The following EFCAB8 variants were observed in gnomAD, a reference collection of about 807,000 sequenced individuals.
EFCAB8 encodes EF-hand calcium-binding domain-containing protein 8.
A neutral mutation model predicts 116.3 loss-of-function variants in EFCAB8; 100 were observed. That is an observed-to-expected ratio of 0.86 (90% CI 0.73 to 1.02). EFCAB8 has a LOEUF of 1.02. Among genes scored for constraint, EFCAB8 ranks in the 50% least tolerant of loss-of-function variants. EFCAB8 has a pLI of 0.00. For synonymous variants in EFCAB8, 558 were observed against 567.9 expected (o/e 0.98, Z 0.25); for missense variants, 1,320 against 1,416.9 (o/e 0.93, Z 1.10).
intron 11 of EFCAB8, among the ~76,000 whole-genome samples, chr20:32,901,540 T>A (rs190551194): frequency 7.2e-4 from 105 of 145,898 alleles, no homozygotes; most frequent in Admixed American, 7.0e-3. Context: ...CAGGAGGGCC[T>A]CTGTGGGCCG....
intron 1 of EFCAB8, among the ~76,000 whole-genome samples, chr20:32,861,877 A>G (rs1250087640): frequency 1.3e-5 from 2 of 152,126 alleles, no homozygotes; most frequent in African/African-American, 4.8e-5. Context: ...TTTTTTATGC[A>G]TGTGCCAATA....
chr20:32,915,042 C>T (rs1987119541), intron 17 of EFCAB8, among the ~76,000 whole-genome samples: 1 of 152,056 alleles, frequency 6.6e-6, no homozygotes, highest in African/African-American at 2.4e-5. Context: ...GAACTACAGG[C>T]ACATGCCACC....
At chr20:32,896,963 G>A (rs896935397) in intron 10 of EFCAB8, among the ~76,000 whole-genome samples, 2 of 152,124 alleles carry the variant, frequency 1.3e-5, no homozygotes, top group African/African-American at 4.8e-5. Context: ...TCTGGCTCCT[G>A]CTTGCAAGCT....
intron 22 of EFCAB8, among the ~76,000 whole-genome samples, chr20:32,936,437 A>G (rs535146096): frequency 1.1e-4 from 16 of 152,292 alleles, no homozygotes; most frequent in African/African-American, 3.8e-4. Context: ...TAGTTGTTTT[A>G]CAGTCTCAGA....
Position 32,885,524 on chromosome 20 carries a change from G to A in EFCAB8, c.451G>A (p.Val151Met). 6.4e-7 allele frequency: 1 copy of A among 1,551,778 alleles called. No homozygotes were observed. Among genetic ancestry groups the A allele is most frequent in the Non-Finnish European group, 8.7e-7 (1 of 1,147,004 alleles). Reference protein sequence around the residue: ...VVPLNHGCEVVKVVFLIHRFK... With the variant: ...VVPLNHGCEVMKVVFLIHRFK... ...CCACAGGAACCATGGCTGTGAGGTG[G>A]TGAAGGTGGTGTTTTTAATCCACCG... The change falls in exon 6 of 27, where the codon GTG becomes ATG. Residue 151 changes from valine (V) to methionine (M), a missense_variant. Transcript: ENST00000400522.
chr20:32,859,156 A>G, intron 1 of EFCAB8, 150 bp downstream of exon 1: 1 of 407,578 alleles, frequency 2.5e-6, no homozygotes, highest in South Asian at 1.9e-5. Context: ...CTGCCTCTAC[A>G]AATTCGTACA....
chr20:32,875,905 C>T, intron 3 of EFCAB8, 21 bp from the exon 4 acceptor site: 1 of 1,546,598 alleles, frequency 6.5e-7, no homozygotes, highest in Non-Finnish European at 8.8e-7. Flanking sequence ...GGGGATGATG[C>T]TCTCTGTTCT....
chr20:32,906,580 A>G lies in EFCAB8; in HGVS notation c.1107A>G (p.Leu369=), dbSNP rs750593175. The G allele has an allele frequency of 3.6e-5, 26 of 718,444 alleles. No individual in the cohort carries two copies. The Admixed American group carries it at 4.4e-4, about 12-fold the overall frequency. The allele number at this position is 718,444 out of a possible 1,614,324, so 44.5% of individuals were successfully genotyped here. A position where few individuals can be genotyped will look rare whatever the true frequency, so the allele number is the denominator to read the frequency against. Residue 369 remains leucine (L), a synonymous_variant, in exon 12 of 27, where the codon TTA becomes TTG. Coordinates refer to ENST00000400522, the MANE Select transcript of EFCAB8 (RefSeq NM_001143967.2). ...SKKPRLSVLR[L]RKGILCFDYC... ...ATTGTAGGTTGTCAGTGCTGCGTTT[A>G]AGGAAAGGGATTCTTTGCTTTGATT...
At chr20:32,960,274 G>A in intron 26 of EFCAB8, 113 bp downstream of exon 26, 1 of 991,104 alleles carries the variant, frequency 1.0e-6, no homozygotes, top group Non-Finnish European at 1.5e-6. Flanking sequence ...GTGGACAGGA[G>A]CCTTTGTCCT....
At chr20:32,880,717 G>C (rs1985286865) in intron 5 of EFCAB8, among the ~76,000 whole-genome samples, 1 of 151,958 alleles carries the variant, frequency 6.6e-6, no homozygotes, top group African/African-American at 2.4e-5. Flanking sequence ...CAGATGTGTA[G>C]GGCGAGGTAT....
At chr20:32,929,358 G>A (rs1252616432) in intron 20 of EFCAB8, among the ~76,000 whole-genome samples, 1 of 152,140 alleles carries the variant, frequency 6.6e-6, no homozygotes, top group Non-Finnish European at 1.5e-5. Flanking sequence ...ACCGGGGCCA[G>A]TGGGAAGCAG....
At chr20:32,911,399 G>A in intron 15 of EFCAB8, 81 bp from the exon 16 acceptor site, 2 of 1,266,026 alleles carry the variant, frequency 1.6e-6, no homozygotes, top group Admixed American at 3.2e-5. Context: ...TGGAGGGGAG[G>A]GGCCAAGGCA....
At chr20:32,907,109 G>C (rs57106662) in intron 13 of EFCAB8, 115 bp downstream of exon 13, 241,705 of 1,424,414 alleles carry the variant, frequency 0.17, 21,287 homozygotes, top group East Asian at 0.22. Context: ...CCTAGCAGGA[G>C]GGGCCCCGGG....
In EFCAB8 at chr20:32,917,482, C is replaced by T. The variant is rs1987243767; in HGVS notation, c.2038C>T (p.Pro680Ser). 6.4e-7 allele frequency: 1 copy of T among 1,551,926 alleles called. No homozygotes were observed. The highest frequency in any genetic ancestry group is 8.7e-7 in the Non-Finnish European group (1 of 1,146,994). Residue 680 changes from proline (P) to serine (S), a missense_variant, in exon 18 of 27, where the codon CCC becomes TCC. Pro to Ser is a moderately conservative substitution (Grantham distance 74, BLOSUM62 -1). Transcript: ENST00000400522. ...PIFNFNASRSPSPLQPKRVQD... is the reference protein window; with the variant it reads ...PIFNFNASRSSSPLQPKRVQD... ...CTTCAACTTCAATGCCTCTAGGAGC[C>T]CCTCGCCCTTGCAGCCCAAGAGGGT... is the stretch of plus-strand genomic sequence containing the variant.
chr20:32,863,980 G>T (rs947426656), intron 2 of EFCAB8, 146 bp downstream of exon 2: 4 of 907,302 alleles, frequency 4.4e-6, no homozygotes, highest in African/African-American at 3.5e-5. Flanking sequence ...TAACTTAAGT[G>T]TATTTTTTTT....
intron 22 of EFCAB8, among the ~76,000 whole-genome samples, chr20:32,935,312 C>G (rs1344526802): frequency 7.3e-6 from 1 of 137,266 alleles, no homozygotes; most frequent in South Asian, 2.4e-4. Context: ...GCAATTCTCC[C>G]GCCTCAGCCT....
rs1989080701 is a variant in EFCAB8 at position 32,959,774 on chromosome 20, C to A, written c.3090-4C>A. 6 of 1,479,564 alleles carry A rather than the reference C, an allele frequency of 4.1e-6. No individual in the cohort carries two copies. The highest frequency in any genetic ancestry group is 5.4e-6 in the Non-Finnish European group (6 of 1,110,276). 91.7% of individuals were successfully genotyped at this position (1,479,564 alleles called of 1,614,324 possible). A position where few individuals can be genotyped will look rare whatever the true frequency, so the allele number is the denominator to read the frequency against. Reference sequence around the variant, plus strand: ...CATCTTGTGAAGGAAAGCCCCCACACTAGGGAGCAGCGGGATCTGGCTGAG... The same window carrying A: ...CATCTTGTGAAGGAAAGCCCCCACAATAGGGAGCAGCGGGATCTGGCTGAG... On this transcript the variant is annotated splice_polypyrimidine_tract_variant and splice_region_variant and intron_variant, in intron 24 of 26. Coordinates refer to ENST00000400522, the MANE Select transcript of EFCAB8 (RefSeq NM_001143967.2).
intron 22 of EFCAB8, among the ~76,000 whole-genome samples, chr20:32,940,574 T>C (rs948582035): frequency 6.7e-6 from 1 of 149,656 alleles, no homozygotes; most frequent in Non-Finnish European, 1.5e-5. Context: ...AACAGATAAA[T>C]TGGACTTTGT....
intron 6 of EFCAB8, among the ~76,000 whole-genome samples, chr20:32,886,649 TA>T (rs1289109552): frequency 1.3e-5 from 2 of 152,018 alleles, no homozygotes; most frequent in East Asian, 3.9e-4. Context: ...CCATCCACCT[TA>T]CCTTTCTGTG....
Sources: allele counts gnomAD v4.1 joint callset (sites outside exome capture counted in the v4.1 genomes callset), GRCh38; gene constraint gnomAD v4.1.1; transcripts MANE v1.5; gene names NCBI Gene and HGNC (gene_info 2026-07-23, HGNC 2026-07-21).